The following CRIM1 variants were observed in gnomAD, a reference collection of about 807,000 sequenced individuals.
The protein encoded by CRIM1 is cysteine rich transmembrane BMP regulator 1.
In CRIM1, 32 loss-of-function variants were observed where a neutral mutation model predicts 116.4. The ratio of observed to expected loss-of-function variants is 0.27; its 90% confidence interval spans 0.21 to 0.37. The LOEUF (loss-of-function observed/expected upper bound fraction) is 0.37. CRIM1 is among the 10% of genes least tolerant of loss of function. The probability of loss-of-function intolerance (pLI) is 1.00; values close to 1 mark genes in which losing one functional copy is unlikely to be tolerated. For missense variants in CRIM1, 1,331 were observed against 1,354.8 expected (o/e 0.98, Z 0.28); for synonymous variants, 590 against 509.2 (o/e 1.16, Z -2.13).
intron 5 of CRIM1, 119 bp from the exon 6 acceptor site, chr2:36,476,770 A>T: frequency 1.3e-6 from 1 of 755,276 alleles, no homozygotes; most frequent in Non-Finnish European, 2.2e-6. Flanking sequence ...TGAGTTGAGT[A>T]AATTTCCATC....
At chr2:36,393,473 G>C (rs1217685557) in intron 1 of CRIM1, among the ~76,000 whole-genome samples, 6 of 151,904 alleles carry the variant, frequency 3.9e-5, no homozygotes, top group African/African-American at 1.5e-4. Context: ...TGACATATAT[G>C]TGTGTCTATA....
intron 2 of CRIM1, among the ~76,000 whole-genome samples, chr2:36,437,759 A>C (rs1310097564): frequency 6.6e-6 from 1 of 152,216 alleles, no homozygotes; most frequent in Admixed American, 6.5e-5. Flanking sequence ...CTCTTAAGAC[A>C]TAAATCCATC....
chr2:36,543,722 G>GATAA (rs1667119638), intron 14 of CRIM1, among the ~76,000 whole-genome samples: 1 of 147,430 alleles, frequency 6.8e-6, no homozygotes, highest in African/African-American at 2.7e-5. Context: ...TGATATTTGA[G>GATAA]ATAAATAATA....
chr2:36,452,184 C>T (rs912402489), intron 4 of CRIM1, among the ~76,000 whole-genome samples: 3 of 151,010 alleles, frequency 2.0e-5, no homozygotes, highest in Admixed American at 6.6e-5. Flanking sequence ...TTGTTGTTGT[C>T]GTTCCCTTTA....
chr2:36,469,206 G>C (rs1345191126), intron 5 of CRIM1, among the ~76,000 whole-genome samples: 1 of 152,192 alleles, frequency 6.6e-6, no homozygotes, highest in Non-Finnish European at 1.5e-5. Context: ...GGTGGATGGG[G>C]TGGGGATGGG....
intron 7 of CRIM1, among the ~76,000 whole-genome samples, chr2:36,482,958 C>G (rs1033962009): frequency 3.3e-5 from 5 of 152,134 alleles, no homozygotes; most frequent in African/African-American, 1.2e-4. Flanking sequence ...GGACATGAAC[C>G]TGGGGGCCCT....
intron 3 of CRIM1, among the ~76,000 whole-genome samples, chr2:36,442,046 T>C (rs750745133): frequency 6.6e-6 from 1 of 152,208 alleles, no homozygotes; most frequent in South Asian, 2.1e-4. Context: ...TTTGACTGTT[T>C]ACTCACCCTC....
chr2:36,357,099 C>G (rs763949901), intron 1 of CRIM1, among the ~76,000 whole-genome samples: 1 of 152,198 alleles, frequency 6.6e-6, no homozygotes, highest in African/African-American at 2.4e-5. Context: ...GGAGACGTGT[C>G]TCCAGCTCGC....
intron 13 of CRIM1, among the ~76,000 whole-genome samples, chr2:36,535,633 G>A (rs964323682): frequency 2.0e-5 from 3 of 152,122 alleles, no homozygotes; most frequent in African/African-American, 4.8e-5. Flanking sequence ...TTTAACACTC[G>A]ATCTCAGTTT....
At chr2:36,540,311 C>T (rs1334120750) in intron 14 of CRIM1, among the ~76,000 whole-genome samples, 1 of 152,112 alleles carries the variant, frequency 6.6e-6, no homozygotes, top group Non-Finnish European at 1.5e-5. Flanking sequence ...ATTCAATTCA[C>T]CTCTCCCATT....
At chr2:36,528,906 T>C (rs1032834746) in intron 13 of CRIM1, among the ~76,000 whole-genome samples, 2 of 152,218 alleles carry the variant, frequency 1.3e-5, no homozygotes, top group African/African-American at 4.8e-5. Context: ...CAACTGATCT[T>C]GCTGCTTCCA....
intron 7 of CRIM1, among the ~76,000 whole-genome samples, chr2:36,497,144 ATGTC>A (rs1558370416): frequency 6.6e-6 from 1 of 152,218 alleles, no homozygotes; most frequent in Non-Finnish European, 1.5e-5. Context: ...CACATATTAA[ATGTC>A]AGTAAAGAAT....
chr2:36,547,763 C>T (rs1667455541), intron 16 of CRIM1, among the ~76,000 whole-genome samples: 1 of 152,002 alleles, frequency 6.6e-6, no homozygotes, highest in Non-Finnish European at 1.5e-5. Flanking sequence ...GTTTTCAGTA[C>T]AAACATAAAG....
intron 1 of CRIM1, among the ~76,000 whole-genome samples, chr2:36,373,594 G>A (rs1230465243): frequency 6.6e-6 from 1 of 152,206 alleles, no homozygotes; most frequent in Non-Finnish European, 1.5e-5. Context: ...GGGGCATTTT[G>A]AGAGGTAGAA....
intron 1 of CRIM1, among the ~76,000 whole-genome samples, chr2:36,376,873 CTTA>C (rs1219466170): frequency 1.3e-5 from 2 of 152,142 alleles, no homozygotes; most frequent in East Asian, 3.8e-4. Flanking sequence ...ATACTGCAAG[CTTA>C]TAGCATTTGG....
intron 4 of CRIM1, among the ~76,000 whole-genome samples, chr2:36,455,129 T>A (rs1391193615): frequency 6.6e-6 from 1 of 152,126 alleles, no homozygotes; most frequent in Admixed American, 6.5e-5. Flanking sequence ...TGGACCATTG[T>A]GATCAGCAGA....
Position 36,370,677 on chromosome 2 carries a change from T to C in CRIM1, c.331+14054T>C, listed in dbSNP as rs1669886055. 2.0e-5 allele frequency among the ~76,000 whole-genome samples: 3 copies of C among 152,306 alleles called. No homozygotes were observed. In the South Asian group the frequency reaches 6.2e-4, roughly 32 times the overall value. ...GTGAATGCCCTTGAGTCAGAAATGC[T>C]TGAGTGATAATATTTCTTGAGAGAA... is the stretch of plus-strand genomic sequence containing the variant. On this transcript the variant is annotated intron_variant, in intron 1 of 16. Coordinates refer to ENST00000280527, the MANE Select transcript of CRIM1 (RefSeq NM_016441.3).
At chr2:36,391,254 G>A (rs939761314) in intron 1 of CRIM1, among the ~76,000 whole-genome samples, 1 of 147,864 alleles carries the variant, frequency 6.8e-6, no homozygotes, top group Non-Finnish European at 1.5e-5. Flanking sequence ...TCAGCCTCCC[G>A]AGAAGCTGGG....
chr2:36,356,322 G>A lies in CRIM1; in HGVS notation c.30G>A (p.Leu10=), dbSNP rs1280835688. Residue 10 remains leucine, a synonymous_variant, in exon 1 of 17, where the codon TTG becomes TTA. Transcript: ENST00000280527. The surrounding 1 kb of genome is among the most constrained non-coding windows in gnomAD (Gnocchi z 4.3). Reference sequence around the variant, plus strand: ...ACTTGGTGGCGGGGGACAGGGGGTTGGCCGGCTGCGGGCACCTCCTGGTCT... The same window carrying A: ...ACTTGGTGGCGGGGGACAGGGGGTTAGCCGGCTGCGGGCACCTCCTGGTCT... MYLVAGDRG[L]AGCGHLLVSL... The A allele has an allele frequency of 1.3e-6, 2 of 1,574,164 alleles. No individual in the cohort carries two copies. The highest frequency in any genetic ancestry group is 1.2e-5 in the South Asian group (1 of 85,578).
Sources: gnomAD v4.1 joint callset for allele counts (sites outside exome capture counted in the v4.1 genomes callset) on GRCh38, gnomAD v4.1.1 for gene constraint, Gnocchi (gnomAD v3.1) non-coding constraint, MANE v1.5 for transcripts, NCBI Gene and HGNC (gene_info 2026-07-23, HGNC 2026-07-21) for gene names.